The following RBFOX1 variants were observed in gnomAD, a reference collection of about 807,000 sequenced individuals.
RBFOX1 encodes RNA binding protein fox-1 homolog 1.
RBFOX1 carries 8 observed loss-of-function variants against 57.7 expected under a neutral mutation model. The observed-to-expected ratio is 0.14, with a 90% CI of 0.08 to 0.25. The LOEUF (loss-of-function observed/expected upper bound fraction) is 0.25, where lower values mean the gene tolerates loss of function less well. Ranked by LOEUF, RBFOX1 falls within the 10% of genes least tolerant of loss-of-function variation. RBFOX1 has a pLI of 1.00. For missense variants in RBFOX1, 611 were observed against 548.5 expected (o/e 1.11, Z -1.14); for synonymous variants, 326 against 222.4 (o/e 1.47, Z -4.15).
intron 2 of RBFOX1, among the ~76,000 whole-genome samples, chr16:6,637,355 T>TATATA (rs1383702181): frequency 1.2e-5 from 1 of 85,166 alleles, no homozygotes. Flanking sequence ...ATATTATATA[T>TATATA]TAAATATATA....
chr16:7,007,354 C>G (rs1287154917), intron 3 of RBFOX1, among the ~76,000 whole-genome samples: 2 of 152,180 alleles, frequency 1.3e-5, no homozygotes, highest in East Asian at 1.9e-4. Flanking sequence ...CCATATGTAC[C>G]TCATTGCAGC....
chr16:5,992,957 T>G (rs916891066), intron 4 of RBFOX1, among the ~76,000 whole-genome samples: 1 of 151,970 alleles, frequency 6.6e-6, no homozygotes, highest in East Asian at 1.9e-4. Flanking sequence ...AAAAAAAGAT[T>G]TGCATGACAG....
intron 3 of RBFOX1, among the ~76,000 whole-genome samples, chr16:7,018,934 C>T (rs1225256320): frequency 1.3e-5 from 2 of 152,056 alleles, no homozygotes; most frequent in African/African-American, 2.4e-5. Flanking sequence ...GCCTGGGCAA[C>T]ACAGTGAGAC....
chr16:7,016,294 C>T (rs1044028128), intron 3 of RBFOX1, among the ~76,000 whole-genome samples: 2 of 152,132 alleles, frequency 1.3e-5, no homozygotes, highest in South Asian at 4.1e-4. Context: ...GTAGATCCTT[C>T]TGCCATACTA....
intron 2 of RBFOX1, among the ~76,000 whole-genome samples, chr16:6,495,372 G>A (rs1329138672): frequency 3.2e-5 from 3 of 94,440 alleles, no homozygotes; most frequent in Non-Finnish European, 4.5e-5. Context: ...ACCGCCCCCC[G>A]CCCCCGCCTT....
chr16:6,667,707 T>C (rs1350658472), intron 3 of RBFOX1, among the ~76,000 whole-genome samples: 2 of 152,042 alleles, frequency 1.3e-5, no homozygotes, highest in Non-Finnish European at 2.9e-5. Flanking sequence ...ATATACCCTA[T>C]TTCTGCAAAA....
At chr16:5,295,342 A>G (rs1229466745) in intron 1 of RBFOX1, among the ~76,000 whole-genome samples, 1 of 152,172 alleles carries the variant, frequency 6.6e-6, no homozygotes, top group Admixed American at 6.5e-5. Flanking sequence ...TATATTAGTT[A>G]TCTATTGCTG....
chr16:6,248,057 CTG>C (rs2097579223), intron 1 of RBFOX1, among the ~76,000 whole-genome samples: 2 of 152,158 alleles, frequency 1.3e-5, no homozygotes, highest in Non-Finnish European at 2.9e-5. Context: ...TGTTCAGAAA[CTG>C]TTATTAAAAG....
At chr16:6,100,695 G>C (rs910583252) in intron 1 of RBFOX1, among the ~76,000 whole-genome samples, 14 of 152,090 alleles carry the variant, frequency 9.2e-5, no homozygotes, top group Admixed American at 2.0e-4. Flanking sequence ...CCTTAATATA[G>C]AGACTATTAT....
At chr16:7,045,017 A>G (rs1422087632) in intron 3 of RBFOX1, among the ~76,000 whole-genome samples, 3 of 152,126 alleles carry the variant, frequency 2.0e-5, no homozygotes, top group Non-Finnish European at 2.9e-5. Flanking sequence ...ACAACTCATG[A>G]TGGGATTCTG....
chr16:5,332,601 C>T (rs924694689), intron 1 of RBFOX1, among the ~76,000 whole-genome samples: 10 of 150,696 alleles, frequency 6.6e-5, no homozygotes, highest in Non-Finnish European at 1.3e-4. Flanking sequence ...TTTTAAGATT[C>T]AAATAAATAT....
chr16:5,452,005 AC>A (rs1045961839), intron 1 of RBFOX1, among the ~76,000 whole-genome samples: 5 of 144,346 alleles, frequency 3.5e-5, no homozygotes, highest in Admixed American at 2.8e-4. Context: ...ATCTCCCTCC[AC>A]CCCCAAACCC....
At chr16:6,615,799 G>A (rs2098133076) in intron 2 of RBFOX1, among the ~76,000 whole-genome samples, 1 of 152,176 alleles carries the variant, frequency 6.6e-6, no homozygotes, top group African/African-American at 2.4e-5. Flanking sequence ...ATTAACAGCA[G>A]ATGGATGGAG....
rs138988551 is a variant in RBFOX1, at chr16:7,372,214, C to T, written c.28-145933C>T. Among the ~76,000 whole-genome samples the T allele has an allele frequency of 2.4e-3, 361 of 152,246 alleles. 5 individuals are homozygous for T. Among genetic ancestry groups the T allele is most frequent in the Non-Finnish European group, 6.6e-4 (45 of 68,024 alleles). On this transcript the variant is annotated intron_variant, in intron 4 of 15. Coordinates refer to ENST00000550418, the MANE Select transcript of RBFOX1 (RefSeq NM_018723.4). ...ATCACTTTCTCACCATCAGTGCAGACATCCTATTTGGGCCTCGGAGCTGGA... is the reference window on the plus strand; with the variant it reads ...ATCACTTTCTCACCATCAGTGCAGATATCCTATTTGGGCCTCGGAGCTGGA...
chr16:5,684,916 C>G (rs1433697964), intron 3 of RBFOX1, among the ~76,000 whole-genome samples: 1 of 152,056 alleles, frequency 6.6e-6, no homozygotes, highest in Non-Finnish European at 1.5e-5. Flanking sequence ...AGGGAGCTCT[C>G]CAGCGTATGA....
intron 6 of RBFOX1, among the ~76,000 whole-genome samples, chr16:7,586,704 A>G (rs2152890481): frequency 6.6e-6 from 1 of 152,336 alleles, no homozygotes; most frequent in South Asian, 2.1e-4. Context: ...CAGCCCAAGC[A>G]CTGATCACAA....
chr16:7,251,833 T>G (rs2094509611), intron 4 of RBFOX1, among the ~76,000 whole-genome samples: 1 of 152,202 alleles, frequency 6.6e-6, no homozygotes, highest in South Asian at 2.1e-4. Flanking sequence ...TGATTTCGTT[T>G]CCTTTGGATA....
At chr16:5,242,497 A>T (rs1291174827) in intron 1 of RBFOX1, among the ~76,000 whole-genome samples, 4 of 152,180 alleles carry the variant, frequency 2.6e-5, no homozygotes, top group Admixed American at 6.5e-5. Context: ...TTCTATGGGA[A>T]TACTCTCTTT....
chr16:5,265,660 G>C (rs971108405), intron 1 of RBFOX1, among the ~76,000 whole-genome samples: 1 of 152,142 alleles, frequency 6.6e-6, no homozygotes, highest in Non-Finnish European at 1.5e-5. Flanking sequence ...CTATATTCTT[G>C]AGTAAAGCAA....
Sources: gnomAD v4.1 joint callset for allele counts (sites outside exome capture counted in the v4.1 genomes callset) on GRCh38, gnomAD v4.1.1 for gene constraint, MANE v1.5 for transcripts, NCBI Gene and HGNC (gene_info 2026-07-23, HGNC 2026-07-21) for gene names.